Variants in ADAM12 observed in about 807,000 individuals in gnomAD.
ADAM12 encodes the protein ADAM metallopeptidase domain 12.
A neutral mutation model predicts 106.4 loss-of-function variants in ADAM12; 70 were observed. That is an observed-to-expected ratio of 0.66 (90% CI 0.54 to 0.80). ADAM12 has a LOEUF of 0.80. Ranked by LOEUF, ADAM12 falls within the 30% of genes least tolerant of loss-of-function variation. ADAM12 has a pLI of 0.00. For missense variants in ADAM12, 1,010 were observed against 1,171.9 expected (o/e 0.86, Z 2.02); for synonymous variants, 420 against 433.5 (o/e 0.97, Z 0.39).
chr10:126,264,595 G>A (rs753401809), intron 3 of ADAM12, among the ~76,000 whole-genome samples: 9 of 152,128 alleles, frequency 5.9e-5, no homozygotes, highest in Admixed American at 2.0e-4. Flanking sequence ...AAACGCCCTC[G>A]TTTTGTTTTT....
chr10:126,166,438 G>A (rs972248552), intron 3 of ADAM12, among the ~76,000 whole-genome samples: 6 of 152,172 alleles, frequency 3.9e-5, no homozygotes, highest in Non-Finnish European at 8.8e-5. Flanking sequence ...CAAATGACTA[G>A]ATACAGTTTG....
At chr10:126,197,415 G>C (rs1957617329) in intron 3 of ADAM12, among the ~76,000 whole-genome samples, 1 of 152,202 alleles carries the variant, frequency 6.6e-6, no homozygotes, top group South Asian at 2.1e-4. Context: ...GGGTTTTGGT[G>C]ATGCAGCCTG....
At chr10:126,300,001 C>T (rs12250947) in intron 2 of ADAM12, among the ~76,000 whole-genome samples, 2 of 152,304 alleles carry the variant, frequency 1.3e-5, no homozygotes, top group East Asian at 1.9e-4. Context: ...TCACCATCTT[C>T]GAAGTATTCC....
intron 11 of ADAM12, among the ~76,000 whole-genome samples, chr10:126,073,763 C>A (rs1955046838): frequency 6.6e-6 from 1 of 152,206 alleles, no homozygotes; most frequent in Admixed American, 6.5e-5. Context: ...GATGCAAAGG[C>A]AACATACCAG....
intron 3 of ADAM12, among the ~76,000 whole-genome samples, chr10:126,218,334 C>A (rs2366477): frequency 0.99 from 151,260 of 152,266 alleles, 75,142 homozygotes; most frequent in East Asian, 1. Context: ...GTTCACCTAA[C>A]TCCACATCAA....
At chr10:126,372,433 G>A (rs1856142555) in intron 1 of ADAM12, among the ~76,000 whole-genome samples, 1 of 152,160 alleles carries the variant, frequency 6.6e-6, no homozygotes, top group African/African-American at 2.4e-5. Flanking sequence ...GAAAGATTTA[G>A]TGGGTTCCTC....
At chr10:126,080,856 T>C (rs1170437775) in intron 11 of ADAM12, among the ~76,000 whole-genome samples, 3 of 152,190 alleles carry the variant, frequency 2.0e-5, no homozygotes, top group Non-Finnish European at 4.4e-5. Flanking sequence ...AAAATATTAT[T>C]AGGGCTTACT....
At chr10:126,228,268 C>G (rs986239045) in intron 3 of ADAM12, among the ~76,000 whole-genome samples, 1 of 152,198 alleles carries the variant, frequency 6.6e-6, no homozygotes, top group Admixed American at 6.5e-5. Context: ...AGGCTTAACA[C>G]TTGGAATGTA....
chr10:126,354,253 T>G (rs1001532591), intron 1 of ADAM12, among the ~76,000 whole-genome samples: 1 of 152,176 alleles, frequency 6.6e-6, no homozygotes, highest in Non-Finnish European at 1.5e-5. Flanking sequence ...AAGAATATAG[T>G]ACTGCAGTTC....
intron 14 of ADAM12, among the ~76,000 whole-genome samples, chr10:126,050,302 A>T (rs759744983): frequency 2.6e-5 from 4 of 152,230 alleles, no homozygotes. Flanking sequence ...GGGTCATGGC[A>T]GCCAGAGAGC....
chr10:126,246,122 C>G (rs955722271), intron 3 of ADAM12, among the ~76,000 whole-genome samples: 2 of 152,048 alleles, frequency 1.3e-5, no homozygotes, highest in African/African-American at 4.8e-5. Flanking sequence ...GACACAAAAC[C>G]CTTGCATTCT....
rs541336774 is a variant in ADAM12 at position 126,181,041 on chromosome 10, C to T, written c.261-25736G>A. ...CATAAATAACTAATAAAGAATCTAG[C>T]AGATATAAAAGCAGCTTGTGCTACA... On this transcript the variant is annotated intron_variant, in intron 3 of 22. Transcript: ENST00000448723. Among the ~76,000 whole-genome samples the T allele has an allele frequency of 5.9e-5, 9 of 151,372 alleles. No individual in the cohort carries two copies. The East Asian group carries it at 1.6e-3, about 26-fold the overall frequency.
chr10:126,314,950 C>T (rs747942761), intron 2 of ADAM12, among the ~76,000 whole-genome samples: 26 of 152,130 alleles, frequency 1.7e-4, no homozygotes, highest in African/African-American at 5.8e-4. Context: ...CCAGTTTGTA[C>T]AGAAGCTAGG....
intron 3 of ADAM12, among the ~76,000 whole-genome samples, chr10:126,246,785 G>A (rs1311408767): frequency 6.6e-6 from 1 of 152,088 alleles, no homozygotes; most frequent in Non-Finnish European, 1.5e-5. Flanking sequence ...ATAATGAATG[G>A]GCAAAAGCTG....
At chr10:126,168,145 G>A (rs1957057362) in intron 3 of ADAM12, among the ~76,000 whole-genome samples, 1 of 152,156 alleles carries the variant, frequency 6.6e-6, no homozygotes, top group Non-Finnish European at 1.5e-5. Context: ...CTTTTCAGCT[G>A]GGCTAACTGA....
In ADAM12 at chr10:126,053,838, T is replaced by G. The variant is rs1459893653; in HGVS notation, c.1610-4169A>C. ...CTCCTGCCTCAGCCTCTCATTTAGC[T>G]GGAATTACAGGTGCCCACCACCACG... is the stretch of plus-strand genomic sequence containing the variant. On this transcript the variant is annotated intron_variant, in intron 14 of 22. Transcript: ENST00000448723. This position sits in a 1 kb window ranked among gnomAD's most constrained non-coding sequence, Gnocchi z 4.6. 6.6e-6 allele frequency among the ~76,000 whole-genome samples: 1 copy of G among 152,150 alleles called. No individual in the cohort carries two copies. Among genetic ancestry groups the G allele is most frequent in the Non-Finnish European group, 1.5e-5 (1 of 68,024 alleles).
At chr10:126,381,238 G>T (rs189370742) in intron 1 of ADAM12, among the ~76,000 whole-genome samples, 82 of 152,274 alleles carry the variant, frequency 5.4e-4, no homozygotes, top group African/African-American at 1.9e-3. Flanking sequence ...TCTATATGTC[G>T]AGCATGGTAA....
intron 21 of ADAM12, among the ~76,000 whole-genome samples, chr10:126,030,181 A>G (rs1953949320): frequency 6.6e-6 from 1 of 152,240 alleles, no homozygotes; most frequent in Non-Finnish European, 1.5e-5. Flanking sequence ...AAGAAAGTAC[A>G]TAATGTGTTG....
chr10:126,302,821 TA>T (rs1240083934), intron 2 of ADAM12, among the ~76,000 whole-genome samples: 1 of 152,250 alleles, frequency 6.6e-6, no homozygotes, highest in Admixed American at 6.5e-5. Context: ...TTCAGAATGA[TA>T]AATGCCCTGT....
Sources: gnomAD v4.1 joint callset for allele counts (sites outside exome capture counted in the v4.1 genomes callset) on GRCh38, gnomAD v4.1.1 for gene constraint, Gnocchi (gnomAD v3.1) non-coding constraint, MANE v1.5 for transcripts, NCBI Gene and HGNC (gene_info 2026-07-23, HGNC 2026-07-21) for gene names.